The following C11orf97 variants were observed in gnomAD, a reference collection of about 807,000 sequenced individuals.
The protein encoded by C11orf97 is chromosome 11 open reading frame 97, also known as uncharacterized protein C11orf97.
In C11orf97, 15 loss-of-function variants were observed where a neutral mutation model predicts 16.2. The ratio of observed to expected loss-of-function variants is 0.93; its 90% CI spans 0.62 to 1.43. The LOEUF is 1.43. Ranked by LOEUF, C11orf97 falls within the 40% of genes most tolerant of loss-of-function variation. C11orf97 has a pLI of 0.00. For missense variants in C11orf97, 171 were observed against 161.2 expected, an observed-to-expected ratio of 1.06 and a Z score of -0.33; for synonymous variants, 61 against 65.7, an observed-to-expected ratio of 0.93 and a Z score of 0.34.
At chr11:94,517,441 A>G (rs1389412951) in intron 1 of C11orf97, 142 bp from the exon 2 acceptor site, 25 of 455,822 alleles carry the variant, frequency 5.5e-5, no homozygotes, top group Non-Finnish European at 7.5e-6. Flanking sequence ...TCTTTCCAAG[A>G]TAGAGCCTTC....
At position 94,528,133 on chromosome 11, in the gene C11orf97, C is replaced by T; in HGVS notation, c.300C>T (p.Gly100=). The T allele has an allele frequency of 6.5e-7, 1 of 1,535,786 alleles. No homozygotes were observed. Among genetic ancestry groups the T allele is most frequent in the South Asian group, 1.2e-5 (1 of 84,038 alleles). Residue 100 remains glycine, a synonymous_variant, in exon 3 of 4, where the codon GGC becomes GGT. Transcript: ENST00000542198. ...TTAAAAGGAATCTGCCTGTGGGAGG[C>T]TTGAAGCCAGGACTGCCGAGCAGAA... The part of the protein sequence containing the change: ...WSIKRNLPVG[G]LKPGLPSRNS...
intron 2 of C11orf97, among the ~76,000 whole-genome samples, chr11:94,527,330 T>TA (rs1947708031): frequency 6.6e-6 from 1 of 152,178 alleles, no homozygotes; most frequent in Non-Finnish European, 1.5e-5. Context: ...AAAAACAACT[T>TA]ATGGCAACTC....
intron 1 of C11orf97, among the ~76,000 whole-genome samples, chr11:94,517,372 T>C (rs962697946): frequency 2.0e-5 from 3 of 152,168 alleles, no homozygotes; most frequent in Admixed American, 2.0e-4. Context: ...ACCCTGCAAG[T>C]TCAGGAATTA....
chr11:94,516,383 G>A (rs188906838), intron 1 of C11orf97, among the ~76,000 whole-genome samples: 7 of 152,210 alleles, frequency 4.6e-5, no homozygotes, highest in African/African-American at 1.2e-4. Context: ...TAGAACTATC[G>A]GTTCACTGAC....
intron 2 of C11orf97, among the ~76,000 whole-genome samples, chr11:94,520,473 C>G (rs1356958214): frequency 6.6e-6 from 1 of 152,282 alleles, no homozygotes; most frequent in Non-Finnish European, 1.5e-5. Flanking sequence ...GCTAATGACT[C>G]CAGCATTTTT....
intron 3 of C11orf97, among the ~76,000 whole-genome samples, chr11:94,530,667 A>G (rs1403104699): frequency 6.6e-6 from 1 of 152,206 alleles, no homozygotes; most frequent in Non-Finnish European, 1.5e-5. Flanking sequence ...ACCAGTAAGT[A>G]TATGTTAAAT....
intron 2 of C11orf97, among the ~76,000 whole-genome samples, chr11:94,523,074 C>A (rs1284371891): frequency 6.6e-6 from 1 of 151,640 alleles, no homozygotes; most frequent in East Asian, 1.9e-4. Context: ...CAGGTTTTTT[C>A]TTCTCATCGT....
At chr11:94,531,870 T>C in intron 3 of C11orf97, 26 bp from the exon 4 acceptor site, 1 of 1,414,234 alleles carries the variant, frequency 7.1e-7, no homozygotes, top group Non-Finnish European at 9.2e-7. Context: ...AAACACTTAT[T>C]TTTTCACTTT....
intron 2 of C11orf97, among the ~76,000 whole-genome samples, chr11:94,520,610 A>G (rs1947650485): frequency 6.6e-6 from 1 of 152,174 alleles, no homozygotes; most frequent in Non-Finnish European, 1.5e-5. Context: ...CCAGGCTTTT[A>G]AAAAACCCAT....
Position 94,512,492 on chromosome 11 carries a change from G to T in C11orf97, c.-37G>T. The T allele has an allele frequency of 7.9e-7, 1 of 1,270,694 alleles. No individual in the cohort carries two copies. Among genetic ancestry groups the T allele is most frequent in the Non-Finnish European group, 9.9e-7 (1 of 1,007,716 alleles). The allele number at this position is 1,270,694 out of a possible 1,614,324, so 78.7% of individuals were successfully genotyped here. On this transcript the variant is annotated 5_prime_UTR_variant, in exon 1 of 4. Transcript: ENST00000542198. The stretch of plus-strand genomic sequence containing the variant: ...GGCTGCCTGCGACTGAGCTGAGAAG[G>T]AAACCGTGCCCAGGGCTCTCGGAAG...
At chr11:94,515,155 T>C (rs1350933804) in intron 1 of C11orf97, among the ~76,000 whole-genome samples, 3 of 152,210 alleles carry the variant, frequency 2.0e-5, no homozygotes, top group Non-Finnish European at 4.4e-5. Context: ...GTGTGGCTTC[T>C]CATTTTCATT....
At chr11:94,527,371 T>C (rs942153766) in intron 2 of C11orf97, among the ~76,000 whole-genome samples, 1 of 152,182 alleles carries the variant, frequency 6.6e-6, no homozygotes, top group Non-Finnish European at 1.5e-5. Context: ...TAGACTTGAG[T>C]TGCAGTTTTC....
At chr11:94,523,146 G>C (rs1454491070) in intron 2 of C11orf97, among the ~76,000 whole-genome samples, 3 of 152,186 alleles carry the variant, frequency 2.0e-5, no homozygotes, top group African/African-American at 7.2e-5. Flanking sequence ...AAAAGAGAAA[G>C]ACTGGGAGAA....
chr11:94,529,984 T>C (rs1289290154), intron 3 of C11orf97, among the ~76,000 whole-genome samples: 1 of 152,216 alleles, frequency 6.6e-6, no homozygotes, highest in Non-Finnish European at 1.5e-5. Flanking sequence ...ACTCACTAAG[T>C]AATTTGTTTT....
rs187178709 is a variant in C11orf97, at chr11:94,528,765, A to T, written c.376+556A>T. ...GCCAGTGTCTGCCAGGAACATTTGT[A>T]GCAGGATGTGGGGAAGACAGAGGTC... On this transcript the variant is annotated intron_variant, in intron 3 of 3. Transcript: ENST00000542198. Among the ~76,000 whole-genome samples, 33 of 152,310 alleles carry T rather than the reference A, an allele frequency of 2.2e-4. No homozygotes were observed. The East Asian group carries it at 6.0e-3, about 28-fold the overall frequency.
At chr11:94,526,183 A>T (rs1254683735) in intron 2 of C11orf97, among the ~76,000 whole-genome samples, 1 of 152,134 alleles carries the variant, frequency 6.6e-6, no homozygotes, top group Non-Finnish European at 1.5e-5. Flanking sequence ...AGTTTCTCTT[A>T]AAAGAAGCAG....
In C11orf97 at chr11:94,512,690, C is replaced by T; in HGVS notation, c.145+17C>T. On this transcript the variant is annotated intron_variant, in intron 1 of 3. Transcript: ENST00000542198. Reference sequence around the variant, plus strand: ...GCCAGCAGTGTGAGTTCAGCTCCAGCCGCGGACGCTACTGGGAGGAGGGGC... The same window carrying T: ...GCCAGCAGTGTGAGTTCAGCTCCAGTCGCGGACGCTACTGGGAGGAGGGGC... 1.6e-6 allele frequency: 2 copies of T among 1,236,422 alleles called. No homozygotes were observed. The highest frequency in any genetic ancestry group is 1.5e-5 in the African/African-American group (1 of 64,570). 76.6% of individuals were successfully genotyped at this position (1,236,422 alleles called of 1,614,324 possible).
intron 2 of C11orf97, among the ~76,000 whole-genome samples, chr11:94,521,691 G>A (rs71460618): frequency 0.03 from 4,497 of 152,292 alleles, 151 homozygotes; most frequent in African/African-American, 0.08. Context: ...TCACAAAGCT[G>A]TATGATATTG....
chr11:94,518,709 CA>C (rs1442682883), intron 2 of C11orf97, among the ~76,000 whole-genome samples: 1 of 152,132 alleles, frequency 6.6e-6, no homozygotes, highest in African/African-American at 2.4e-5. Context: ...GCTCTCAAAT[CA>C]TCAGATTTTT....
Sources: allele counts gnomAD v4.1 joint callset (sites outside exome capture counted in the v4.1 genomes callset), GRCh38; gene constraint gnomAD v4.1.1; transcripts MANE v1.5; gene names NCBI Gene and HGNC (gene_info 2026-07-23, HGNC 2026-07-21).